The following WASF2 variants were observed in gnomAD, a reference collection of about 807,000 sequenced individuals.
The protein encoded by WASF2 is WASP family member 2, also known as actin-binding protein WASF2.
WASF2 carries 14 observed loss-of-function variants against 45.0 expected under a neutral mutation model. The ratio of observed to expected loss-of-function variants is 0.31; its 90% CI spans 0.21 to 0.49. WASF2 has a LOEUF of 0.49. WASF2 is among the 20% of genes least tolerant of loss of function. The pLI, the probability that WASF2 is intolerant of heterozygous loss-of-function variation, is 0.99. For synonymous variants in WASF2, 200 were observed against 236.3 expected, an observed-to-expected ratio of 0.85 and a Z score of 1.41; for missense variants, 439 against 636.1, an observed-to-expected ratio of 0.69 and a Z score of 3.33.
chr1:27,440,007 AC>A (rs1359795213), intron 1 of WASF2, among the ~76,000 whole-genome samples: 6 of 152,292 alleles, frequency 3.9e-5, no homozygotes, highest in Admixed American at 3.9e-4. Context: ...TCTCAAAAAA[AC>A]AAAAGTAAAC....
intron 1 of WASF2, among the ~76,000 whole-genome samples, chr1:27,476,516 A>G (rs1385132989): frequency 3.9e-5 from 6 of 152,186 alleles, no homozygotes; most frequent in African/African-American, 9.7e-5. Flanking sequence ...TTACATTTCA[A>G]CATGAGATTT....
chr1:27,443,102 T>C (rs1177433322), intron 1 of WASF2, among the ~76,000 whole-genome samples: 2 of 150,420 alleles, frequency 1.3e-5, no homozygotes, highest in Non-Finnish European at 3.0e-5. Context: ...AAGTCGAGCC[T>C]GCAGTAGGCT....
intron 1 of WASF2, among the ~76,000 whole-genome samples, chr1:27,431,946 G>C (rs1296428445): frequency 6.6e-6 from 1 of 152,198 alleles, no homozygotes; most frequent in Non-Finnish European, 1.5e-5. Context: ...AATTAGAAAA[G>C]TTTATCTGCT....
At position 27,467,334 on chromosome 1, in the gene WASF2, G is replaced by A. The variant is rs545901524; in HGVS notation, c.-44+22652C>T. 1.7e-3 allele frequency among the ~76,000 whole-genome samples: 243 copies of A among 145,690 alleles called. 1 individual carries two copies. The highest frequency in any genetic ancestry group is 3.0e-3 in the Non-Finnish European group (199 of 66,750). On this transcript the variant is annotated intron_variant, in intron 1 of 8. Coordinates refer to ENST00000618852, the MANE Select transcript of WASF2 (RefSeq NM_006990.5). ...TTTGTTTTCTGTTTTTTTTTTTTGA[G>A]ATGGTGTCCAGGCTGGAATGCAGTG...
At chr1:27,436,479 A>G (rs933164573) in intron 1 of WASF2, among the ~76,000 whole-genome samples, 1 of 152,180 alleles carries the variant, frequency 6.6e-6, no homozygotes, top group African/African-American at 2.4e-5. Context: ...ACAAAAAAGA[A>G]AAAGAATATG....
rs528584019 is a variant in WASF2 at position 27,445,830 on chromosome 1, T to C, written c.-43-16897A>G. Among the ~76,000 whole-genome samples the C allele has an allele frequency of 4.7e-5, 7 of 150,518 alleles. No individual in the cohort carries two copies. The East Asian group carries it at 1.4e-3, about 29-fold the overall frequency. On this transcript the variant is annotated intron_variant, in intron 1 of 8. Coordinates refer to ENST00000618852, the MANE Select transcript of WASF2 (RefSeq NM_006990.5). Reference sequence around the variant, plus strand: ...TCTCTGTTTAGCTCATCAAATCTTCTCATCAGGGACTTTTTTTTTTTTTTT... The same window carrying C: ...TCTCTGTTTAGCTCATCAAATCTTCCCATCAGGGACTTTTTTTTTTTTTTT...
chr1:27,451,918 A>G (rs1040337937), intron 1 of WASF2, among the ~76,000 whole-genome samples: 2 of 152,206 alleles, frequency 1.3e-5, no homozygotes, highest in Non-Finnish European at 2.9e-5. Flanking sequence ...AGGCACAGTA[A>G]GACATTAAGA....
At chr1:27,481,050 C>CA (rs1269475123) in intron 1 of WASF2, among the ~76,000 whole-genome samples, 2 of 146,842 alleles carry the variant, frequency 1.4e-5, no homozygotes, top group African/African-American at 5.1e-5. Context: ...AAAACAAAAA[C>CA]AAAAAAACAA....
intron 3 of WASF2, among the ~76,000 whole-genome samples, chr1:27,418,665 C>T (rs185230627): frequency 6.0e-4 from 91 of 152,140 alleles, no homozygotes; most frequent in Middle Eastern, 3.4e-3. Context: ...GCAGGCCTCT[C>T]CTTAGGAGGA....
chr1:27,441,753 C>CA (rs35347075), intron 1 of WASF2, among the ~76,000 whole-genome samples: 40,526 of 51,614 alleles, frequency 0.79, 16,606 homozygotes, highest in Non-Finnish European at 0.89. Flanking sequence ...GACTCCGTCT[C>CA]AAAAAAAAAA....
chr1:27,489,741 C>T (rs1210294010), intron 1 of WASF2, among the ~76,000 whole-genome samples: 1 of 152,174 alleles, frequency 6.6e-6, no homozygotes, highest in Non-Finnish European at 1.5e-5. Flanking sequence ...CCGGGACACT[C>T]ATAGTCCCTC....
At chr1:27,486,259 T>C (rs377652280) in intron 1 of WASF2, among the ~76,000 whole-genome samples, 6 of 152,172 alleles carry the variant, frequency 3.9e-5, no homozygotes, top group African/African-American at 9.7e-5. Flanking sequence ...ACATAACACA[T>C]AGTACCATAT....
intron 5 of WASF2, among the ~76,000 whole-genome samples, 168 bp downstream of exon 5, chr1:27,415,817 C>T (rs1338357799): frequency 6.6e-6 from 1 of 152,186 alleles, no homozygotes; most frequent in African/African-American, 2.4e-5. Flanking sequence ...ATGATTTATA[C>T]TTTCATCTTG....
Position 27,410,310 on chromosome 1 carries a change from C to A in WASF2, c.825-104G>T. 3 of 1,506,234 alleles carry A rather than the reference C, an allele frequency of 2.0e-6. No homozygotes were observed. Among genetic ancestry groups the A allele is most frequent in the South Asian group, 2.6e-5 (2 of 77,420 alleles). 93.3% of individuals were successfully genotyped at this position (1,506,234 alleles called of 1,614,324 possible). On this transcript the variant is annotated intron_variant, in intron 7 of 8. Transcript: ENST00000618852. This position sits in a 1 kb window ranked among gnomAD's most constrained non-coding sequence, Gnocchi z 4.2. The stretch of plus-strand genomic sequence containing the variant: ...CCGAGGTTTATCTTGGTTGACTATA[C>A]CATTTCACTTTCACTTAAACAGAAA...
chr1:27,412,885 T>C (rs763082702), intron 6 of WASF2, among the ~76,000 whole-genome samples, 158 bp from the exon 7 acceptor site: 4 of 152,274 alleles, frequency 2.6e-5, no homozygotes, highest in Non-Finnish European at 4.4e-5. Context: ...TGAAATTTTA[T>C]TTTAAGACTA....
In WASF2 at chr1:27,412,598, G is replaced by A; in HGVS notation, c.798C>T (p.Asn266=). The change falls in exon 7 of 9, where the codon AAC becomes AAT. Residue 266 remains asparagine (N), a synonymous_variant. Coordinates refer to ENST00000618852, the MANE Select transcript of WASF2 (RefSeq NM_006990.5). The part of the protein sequence containing the change: ...SSPSPSFSED[N]LPPPPAEFSY... ...TGAATTCTGCTGGTGGAGGAGGCAA[G>A]TTGTCCTCGGAGAAGGAAGGAGAAG... is the stretch of plus-strand genomic sequence containing the variant. The A allele has an allele frequency of 1.2e-6, 2 of 1,614,250 alleles. No individual in the cohort carries two copies. Among genetic ancestry groups the A allele is most frequent in the Non-Finnish European group, 1.7e-6 (2 of 1,180,048 alleles).
At chr1:27,431,912 T>G (rs972721865) in intron 1 of WASF2, among the ~76,000 whole-genome samples, 1 of 152,222 alleles carries the variant, frequency 6.6e-6, no homozygotes, top group South Asian at 2.1e-4. Flanking sequence ...AATAACAATA[T>G]GTCAATATCT....
At chr1:27,458,720 G>T in intron 1 of WASF2, among the ~76,000 whole-genome samples, 1 of 151,936 alleles carries the variant, frequency 6.6e-6, no homozygotes, top group African/African-American at 2.4e-5. Flanking sequence ...TTGAAACTGG[G>T]AGGTGGAGGT....
chr1:27,446,014 A>C (rs1193378839), intron 1 of WASF2, among the ~76,000 whole-genome samples: 1 of 152,054 alleles, frequency 6.6e-6, no homozygotes, highest in Non-Finnish European at 1.5e-5. Flanking sequence ...TTATATCAGA[A>C]GTGAGTTTTC....
Sources: gnomAD v4.1 joint callset for allele counts (sites outside exome capture counted in the v4.1 genomes callset) on GRCh38, gnomAD v4.1.1 for gene constraint, Gnocchi (gnomAD v3.1) non-coding constraint, MANE v1.5 for transcripts, NCBI Gene and HGNC (gene_info 2026-07-23, HGNC 2026-07-21) for gene names.